Variants in LRMDA observed in about 807,000 individuals in gnomAD.
LRMDA encodes the protein leucine-rich melanocyte differentiation-associated protein.
In LRMDA, 18 loss-of-function variants were observed where a neutral mutation model predicts 29.8. That is an observed-to-expected ratio of 0.60 (90% CI 0.42 to 0.90). The LOEUF is 0.90. Among genes scored for constraint, LRMDA ranks in the 40% least tolerant of loss-of-function variants. LRMDA has a pLI of 0.00. For missense variants in LRMDA, 273 were observed against 273.9 expected, an observed-to-expected ratio of 1.00 and a Z score of 0.02; for synonymous variants, 125 against 109.4, an observed-to-expected ratio of 1.14 and a Z score of -0.89.
chr10:76,239,359 T>TA (rs1310147252), intron 5 of LRMDA, among the ~76,000 whole-genome samples: 1 of 152,082 alleles, frequency 6.6e-6, no homozygotes, highest in Non-Finnish European at 1.5e-5. Context: ...TTATCACAAC[T>TA]AAAAAAAGAA....
At chr10:75,740,904 G>A (rs1276007361) in intron 2 of LRMDA, among the ~76,000 whole-genome samples, 1 of 152,006 alleles carries the variant, frequency 6.6e-6, no homozygotes, top group African/African-American at 2.4e-5. Flanking sequence ...TCTTTTAGAA[G>A]CCTGTCATTC....
intron 6 of LRMDA, among the ~76,000 whole-genome samples, chr10:76,398,515 T>A (rs115732010): frequency 0.011 from 1,683 of 152,326 alleles, 36 homozygotes; most frequent in African/African-American, 0.037. Flanking sequence ...AAGCTTGGAT[T>A]TTTTTGCTCA....
intron 6 of LRMDA, among the ~76,000 whole-genome samples, chr10:76,507,163 T>C (rs538948529): frequency 6.6e-4 from 101 of 152,054 alleles, no homozygotes; most frequent in African/African-American, 2.4e-3. Context: ...TAATTCATTG[T>C]AGTTTTGATT....
chr10:76,295,648 C>A (rs1343191793), intron 5 of LRMDA, among the ~76,000 whole-genome samples: 1 of 152,134 alleles, frequency 6.6e-6, no homozygotes, highest in Non-Finnish European at 1.5e-5. Flanking sequence ...TCTCTGGTAA[C>A]CCTTATAACC....
chr10:76,275,696 G>T (rs1250035422), intron 5 of LRMDA, among the ~76,000 whole-genome samples: 1 of 151,992 alleles, frequency 6.6e-6, no homozygotes, highest in Non-Finnish European at 1.5e-5. Context: ...TTGTGTGTGT[G>T]TTGGTTTTTT....
At chr10:76,546,769 CTGTTTGTTTGTT>C (rs145839028) in intron 6 of LRMDA, among the ~76,000 whole-genome samples, 1 of 151,916 alleles carries the variant, frequency 6.6e-6, no homozygotes, top group Non-Finnish European at 1.5e-5. Flanking sequence ...ACCTTTATTG[CTGTTTGTTTGTT>C]TGTTTGTTTT....
intron 6 of LRMDA, among the ~76,000 whole-genome samples, chr10:76,460,337 A>G (rs1216601056): frequency 6.6e-6 from 1 of 152,238 alleles, no homozygotes; most frequent in African/African-American, 2.4e-5. Context: ...CAGCAGGTAG[A>G]GGGCTCTAAA....
intron 2 of LRMDA, among the ~76,000 whole-genome samples, chr10:75,665,543 C>T (rs1841811614): frequency 6.6e-6 from 1 of 152,172 alleles, no homozygotes; most frequent in South Asian, 2.1e-4. Context: ...ATGCTTTCAG[C>T]ATCTTCATGA....
intron 6 of LRMDA, among the ~76,000 whole-genome samples, chr10:76,524,104 G>A (rs995649829): frequency 3.9e-5 from 6 of 152,234 alleles, no homozygotes; most frequent in Admixed American, 6.5e-5. Flanking sequence ...TTGTTTGGAT[G>A]TAATAAACAT....
intron 6 of LRMDA, among the ~76,000 whole-genome samples, chr10:76,406,555 C>T (rs555327653): frequency 1.3e-5 from 2 of 152,284 alleles, no homozygotes; most frequent in Admixed American, 6.5e-5. Flanking sequence ...AAAATGTTTC[C>T]TCCTGAAGAG....
intron 2 of LRMDA, among the ~76,000 whole-genome samples, chr10:75,666,414 A>G (rs1398558488): frequency 6.6e-6 from 1 of 152,056 alleles, no homozygotes; most frequent in East Asian, 1.9e-4. Context: ...ATAGTTATAC[A>G]GTATATAAAC....
chr10:76,434,323 T>C (rs7906561), intron 6 of LRMDA, among the ~76,000 whole-genome samples: 123,082 of 151,444 alleles, frequency 0.81, 51,246 homozygotes, highest in Non-Finnish European at 0.93. Flanking sequence ...CTTTCTTATT[T>C]ACTCTCTCTC....
At chr10:76,069,336 T>C (rs1848837865) in intron 5 of LRMDA, among the ~76,000 whole-genome samples, 1 of 152,244 alleles carries the variant, frequency 6.6e-6, no homozygotes, top group South Asian at 2.1e-4. Flanking sequence ...CAGTAGAGTG[T>C]CTTAGATGAA....
chr10:75,625,605 T>G (rs1841240558), intron 2 of LRMDA, among the ~76,000 whole-genome samples: 1 of 152,212 alleles, frequency 6.6e-6, no homozygotes, highest in South Asian at 2.1e-4. Context: ...TTTGTTCATC[T>G]TCTGTCTCTA....
chr10:76,532,641 G>A (rs1339893186), intron 6 of LRMDA, among the ~76,000 whole-genome samples: 2 of 152,154 alleles, frequency 1.3e-5, no homozygotes, highest in Non-Finnish European at 2.9e-5. Flanking sequence ...CTGCCAAGGG[G>A]AAATCAGAGA....
At chr10:75,668,434 A>C (rs1204408439) in intron 2 of LRMDA, among the ~76,000 whole-genome samples, 1 of 152,190 alleles carries the variant, frequency 6.6e-6, no homozygotes, top group Non-Finnish European at 1.5e-5. Context: ...AAGTATGGAC[A>C]AGTGCCCATG....
intron 6 of LRMDA, among the ~76,000 whole-genome samples, chr10:76,465,394 G>T (rs1315546355): frequency 6.6e-6 from 1 of 152,148 alleles, no homozygotes; most frequent in Non-Finnish European, 1.5e-5. Context: ...GCAGCCTCCT[G>T]CTCCACTGCC....
At chr10:75,887,172 A>C (rs1471651764) in intron 2 of LRMDA, among the ~76,000 whole-genome samples, 1 of 150,214 alleles carries the variant, frequency 6.7e-6, no homozygotes, top group East Asian at 1.9e-4. Flanking sequence ...TTATATATAA[A>C]TATATGATTT....
At chr10:76,075,200 C>G (rs1848938144) in intron 5 of LRMDA, among the ~76,000 whole-genome samples, 1 of 152,224 alleles carries the variant, frequency 6.6e-6, no homozygotes, top group Non-Finnish European at 1.5e-5. Context: ...CAGATTGTGA[C>G]TGCATTTGGA....
Sources: gnomAD v4.1 joint callset for allele counts (sites outside exome capture counted in the v4.1 genomes callset) on GRCh38, gnomAD v4.1.1 for gene constraint, MANE v1.5 for transcripts, NCBI Gene and HGNC (gene_info 2026-07-23, HGNC 2026-07-21) for gene names.